Variants in UTRN observed in about 807,000 individuals in gnomAD.
UTRN encodes the protein dystrophin-related protein 1.
UTRN carries 283 observed loss-of-function variants against 463.9 expected under a neutral mutation model. The observed-to-expected ratio is 0.61, with a 90% confidence interval of 0.55 to 0.67. The LOEUF (loss-of-function observed/expected upper bound fraction) is 0.67. UTRN is among the 30% of genes least tolerant of loss of function. UTRN has a pLI of 0.00. For synonymous variants in UTRN, 1,442 were observed against 1,431.5 expected, an observed-to-expected ratio of 1.01 and a Z score of -0.17; for missense variants, 3,922 against 4,084.3, an observed-to-expected ratio of 0.96 and a Z score of 1.08.
intron 51 of UTRN, among the ~76,000 whole-genome samples, chr6:144,603,827 A>G (rs931765130): frequency 1.3e-5 from 2 of 152,236 alleles, no homozygotes; most frequent in African/African-American, 4.8e-5. Flanking sequence ...TAAAATAACT[A>G]GTATTTTTAA....
At chr6:144,428,140 A>G (rs1785461526) in intron 7 of UTRN, among the ~76,000 whole-genome samples, 1 of 152,188 alleles carries the variant, frequency 6.6e-6, no homozygotes. Context: ...CAAAGCAACA[A>G]TAATGTCCAA....
At chr6:144,655,518 T>C (rs926895398) in intron 51 of UTRN, among the ~76,000 whole-genome samples, 1 of 152,358 alleles carries the variant, frequency 6.6e-6, no homozygotes, top group African/African-American at 2.4e-5. Context: ...TTTCTCCCCA[T>C]GCCAGAAACT....
At chr6:144,842,315 C>T (rs1268193862) in intron 73 of UTRN, among the ~76,000 whole-genome samples, 2 of 152,088 alleles carry the variant, frequency 1.3e-5, no homozygotes, top group African/African-American at 2.4e-5. Flanking sequence ...TGCGGTGGCT[C>T]ATGCCTGTAA....
At chr6:144,399,572 T>C (rs1436820123) in intron 2 of UTRN, among the ~76,000 whole-genome samples, 1 of 152,186 alleles carries the variant, frequency 6.6e-6, no homozygotes, top group Non-Finnish European at 1.5e-5. Context: ...AGCTGCACTT[T>C]AGGGAACTCA....
intron 51 of UTRN, among the ~76,000 whole-genome samples, chr6:144,607,998 T>A (rs1223585192): frequency 6.6e-6 from 1 of 152,186 alleles, no homozygotes; most frequent in African/African-American, 2.4e-5. Context: ...TTCCCCAGAT[T>A]TCATTTTCAT....
At chr6:144,406,352 T>TTTTC (rs1223249472) in intron 3 of UTRN, among the ~76,000 whole-genome samples, 1 of 88,882 alleles carries the variant, frequency 1.1e-5, no homozygotes, top group African/African-American at 3.5e-5. Flanking sequence ...TTTTTTTTTC[T>TTTTC]TTTCTTTTTT....
intron 2 of UTRN, among the ~76,000 whole-genome samples, chr6:144,328,221 A>G (rs1306127708): frequency 1.3e-5 from 2 of 152,054 alleles, no homozygotes; most frequent in African/African-American, 4.8e-5. Flanking sequence ...AAAGAAAAAC[A>G]AACATGTTTA....
chr6:144,672,711 A>C (rs1045983510), intron 51 of UTRN, among the ~76,000 whole-genome samples: 2 of 150,726 alleles, frequency 1.3e-5, no homozygotes, highest in Non-Finnish European at 3.0e-5. Context: ...CTTCTGCTGG[A>C]TTTGGGTTTG....
At chr6:144,701,740 A>G (rs1309382885) in intron 53 of UTRN, among the ~76,000 whole-genome samples, 1 of 152,194 alleles carries the variant, frequency 6.6e-6, no homozygotes, top group African/African-American at 2.4e-5. Context: ...CTCCTAAAGG[A>G]AAATGTCATT....
intron 51 of UTRN, among the ~76,000 whole-genome samples, chr6:144,593,169 G>A (rs924586007): frequency 1.3e-5 from 2 of 152,126 alleles, no homozygotes; most frequent in Admixed American, 6.5e-5. Flanking sequence ...AGCTGTCCAC[G>A]TTCTTGGCGC....
intron 2 of UTRN, among the ~76,000 whole-genome samples, chr6:144,383,222 G>A (rs1446410167): frequency 6.6e-6 from 1 of 152,158 alleles, no homozygotes; most frequent in Non-Finnish European, 1.5e-5. Context: ...ATGAGTCATT[G>A]CGCCCAGGCC....
intron 51 of UTRN, among the ~76,000 whole-genome samples, chr6:144,600,994 A>G (rs1804189005): frequency 6.6e-6 from 1 of 152,198 alleles, no homozygotes; most frequent in Non-Finnish European, 1.5e-5. Context: ...AAATGGAACA[A>G]CAAAGCCTGG....
In UTRN at chr6:144,533,111, C is replaced by T; in HGVS notation, c.6084C>T (p.His2028=). ...AACTTGAGGTGGGCATCAGCAGCCA[C>T]CAGCCCAGTTTTGCAGCACTAAACC... ...QQELEVGISS[H]QPSFAALNRT... is the part of the protein sequence containing the mutation. Residue 2028 remains histidine (H), a synonymous_variant, in exon 43 of 75, where the codon CAC becomes CAT. Transcript: ENST00000367545. 1 of 1,612,354 alleles carries T rather than the reference C, an allele frequency of 6.2e-7. No individual in the cohort carries two copies.
intron 10 of UTRN, 115 bp downstream of exon 10, chr6:144,436,253 G>C (rs1786526130): frequency 1.8e-6 from 2 of 1,114,236 alleles, no homozygotes; most frequent in Middle Eastern, 2.2e-4. Context: ...AAAGGTCAAT[G>C]GTTTATTTCA....
At chr6:144,511,501 C>T (rs1348042088) in intron 35 of UTRN, among the ~76,000 whole-genome samples, 1 of 152,214 alleles carries the variant, frequency 6.6e-6, no homozygotes, top group Non-Finnish European at 1.5e-5. Flanking sequence ...GCTCTAGCAT[C>T]TGACGGCCTA....
chr6:144,355,149 GC>G (rs917527076), intron 2 of UTRN, among the ~76,000 whole-genome samples: 44 of 152,304 alleles, frequency 2.9e-4, no homozygotes, highest in Admixed American at 2.8e-3. Flanking sequence ...AAGCAGGTAT[GC>G]CTATGGAATC....
chr6:144,412,261 C>T (rs1251661893), intron 3 of UTRN, among the ~76,000 whole-genome samples: 2 of 151,962 alleles, frequency 1.3e-5, no homozygotes, highest in African/African-American at 4.8e-5. Context: ...TCAATAAATC[C>T]AAAGAAAATT....
chr6:144,579,320 T>C (rs1008249020), intron 51 of UTRN, among the ~76,000 whole-genome samples: 8 of 152,172 alleles, frequency 5.3e-5, no homozygotes, highest in African/African-American at 1.9e-4. Context: ...AGATTATTTA[T>C]TTTTTTATGA....
intron 59 of UTRN, among the ~76,000 whole-genome samples, chr6:144,772,761 A>T (rs1212120083): frequency 6.6e-6 from 1 of 152,212 alleles, no homozygotes; most frequent in Non-Finnish European, 1.5e-5. Context: ...AACACAGACG[A>T]GAATTCCGGT....
Sources: gnomAD v4.1 joint callset for allele counts (sites outside exome capture counted in the v4.1 genomes callset) on GRCh38, gnomAD v4.1.1 for gene constraint, MANE v1.5 for transcripts, NCBI Gene and HGNC (gene_info 2026-07-23, HGNC 2026-07-21) for gene names.